Variants in RRP1B observed in about 807,000 individuals in gnomAD.
RRP1B encodes ribosomal RNA processing protein 1 homolog B.
A neutral mutation model predicts 80.2 loss-of-function variants in RRP1B; 56 were observed. The observed-to-expected ratio is 0.70, with a 90% confidence interval of 0.56 to 0.87. The LOEUF (loss-of-function observed/expected upper bound fraction) is 0.87, where lower values mean the gene tolerates loss of function less well. Among genes scored for constraint, RRP1B ranks in the 40% least tolerant of loss-of-function variants. The pLI is 0.00. For synonymous variants in RRP1B, 351 were observed against 357.6 expected (o/e 0.98, Z 0.21); for missense variants, 807 against 939.8 (o/e 0.86, Z 1.85).
chr21:43,674,953 A>G (rs1445527656), intron 5 of RRP1B, 81 bp from the exon 6 acceptor site: 3 of 1,556,572 alleles, frequency 1.9e-6, no homozygotes, highest in Middle Eastern at 1.7e-4. Flanking sequence ...TAGGTTCTAG[A>G]CGGAGTATTT....
intron 15 of RRP1B, among the ~76,000 whole-genome samples, chr21:43,692,811 GAA>G (rs2083092202): frequency 6.6e-6 from 1 of 152,128 alleles, no homozygotes; most frequent in South Asian, 2.1e-4. Context: ...TACAACTGGA[GAA>G]AATGAACAGT....
chr21:43,672,214 G>A (rs11909064), intron 2 of RRP1B, 94 bp from the exon 3 acceptor site: 2 of 1,017,160 alleles, frequency 2.0e-6, no homozygotes, highest in South Asian at 1.3e-5. Context: ...ACCTTCCCAC[G>A]AGCGGAAGTG....
intron 8 of RRP1B, among the ~76,000 whole-genome samples, chr21:43,680,857 A>ATAGT (rs1237176262): frequency 1.4e-4 from 21 of 152,306 alleles, no homozygotes; most frequent in African/African-American, 4.8e-4. Context: ...AAATGTTAGT[A>ATAGT]TAGTTAGCTG....
chr21:43,661,908 G>A (rs1443254086), intron 1 of RRP1B, among the ~76,000 whole-genome samples: 4 of 152,174 alleles, frequency 2.6e-5, no homozygotes, highest in Non-Finnish European at 4.4e-5. Context: ...CCAGCATTCA[G>A]TTCAGTATCA....
intron 6 of RRP1B, 55 bp downstream of exon 6, chr21:43,675,218 G>A: frequency 6.3e-7 from 1 of 1,581,432 alleles, no homozygotes; most frequent in East Asian, 2.2e-5. Flanking sequence ...AGTGTTCGCA[G>A]TAGTCGCCAG....
chr21:43,667,207 T>G (rs996269891), intron 1 of RRP1B, among the ~76,000 whole-genome samples: 1 of 151,976 alleles, frequency 6.6e-6, no homozygotes, highest in Non-Finnish European at 1.5e-5. Context: ...CTTTCAAGTT[T>G]CTTAATATCG....
Position 43,676,738 on chromosome 21 carries a change from C to A in RRP1B, c.620C>A (p.Thr207Asn), listed in dbSNP as rs1001581814. The A allele has an allele frequency of 1.4e-5, 22 of 1,613,748 alleles. No homozygotes were observed. The highest frequency in any genetic ancestry group is 1.9e-5 in the Non-Finnish European group (22 of 1,179,938). Reference sequence around the variant, plus strand: ...CGCTGTGCTTCTACCCTCAGCCACACCCTGGTACAGACCATAGCTCGGGGT... The same window carrying A: ...CGCTGTGCTTCTACCCTCAGCCACAACCTGGTACAGACCATAGCTCGGGGT... ...CKIAAKTKDH[T>N]LVQTIARGVF... The change falls in exon 8 of 16, where the codon ACC (threonine) becomes AAC (asparagine). Residue 207 changes from threonine (T) to asparagine (N), a missense_variant. Coordinates refer to ENST00000340648, the MANE Select transcript of RRP1B (RefSeq NM_015056.3).
At chr21:43,660,763 T>G (rs1378746369) in intron 1 of RRP1B, among the ~76,000 whole-genome samples, 1 of 151,820 alleles carries the variant, frequency 6.6e-6, no homozygotes, top group Non-Finnish European at 1.5e-5. Flanking sequence ...GAAAGACCAA[T>G]AAGTTGGGGT....
In RRP1B at chr21:43,672,385, C is replaced by G. The variant is rs1175266645; in HGVS notation, c.271+20C>G. On this transcript the variant is annotated intron_variant, in intron 3 of 15. Transcript: ENST00000340648. ...CGGCTCGTAAGTCCTGTTGTTTCTTCTCCTTCCTTCCAAGTTTTCCGACTT... is the reference window on the plus strand; with the variant it reads ...CGGCTCGTAAGTCCTGTTGTTTCTTGTCCTTCCTTCCAAGTTTTCCGACTT... 11 of 1,606,624 alleles carry G rather than the reference C, an allele frequency of 6.8e-6. No homozygotes were observed. The highest frequency in any genetic ancestry group is 9.4e-6 in the Non-Finnish European group (11 of 1,173,260).
chr21:43,686,958 A>T, intron 12 of RRP1B, 23 bp downstream of exon 12: 1 of 1,609,562 alleles, frequency 6.2e-7, no homozygotes, highest in Non-Finnish European at 8.5e-7. Context: ...GCTAAAAAGA[A>T]GGGCACGACT....
Position 43,659,684 on chromosome 21 carries a change from C to T in RRP1B, c.20C>T (p.Pro7Leu). 4 of 1,518,510 alleles carry T rather than the reference C, an allele frequency of 2.6e-6. No homozygotes were observed. Among genetic ancestry groups the T allele is most frequent in the Non-Finnish European group, 3.5e-6 (4 of 1,132,472 alleles). 94.1% of individuals were successfully genotyped at this position (1,518,510 alleles called of 1,614,324 possible). A position where few individuals can be genotyped will look rare whatever the true frequency, so the allele number is the denominator to read the frequency against. Residue 7 changes from proline (P) to leucine (L), a missense_variant, in exon 1 of 16, where the codon CCG becomes CTG. By Grantham distance (98) the Pro-to-Leu change is moderately conservative. Transcript: ENST00000340648. The surrounding 1 kb of genome is among the most constrained non-coding windows in gnomAD (Gnocchi z 4.2). Reference sequence around the variant, plus strand: ...GGCGCGATGGCCCCCGCCATGCAGCCGGCCGAGATCCAATTTGCCCAGCGG... The same window carrying T: ...GGCGCGATGGCCCCCGCCATGCAGCTGGCCGAGATCCAATTTGCCCAGCGG... MAPAMQ[P>L]AEIQFAQRLA...
At chr21:43,660,954 G>A (rs1025772491) in intron 1 of RRP1B, among the ~76,000 whole-genome samples, 4 of 152,134 alleles carry the variant, frequency 2.6e-5, no homozygotes, top group Admixed American at 6.5e-5. Context: ...TGTAATAGAG[G>A]TTTTAAGATA....
rs779586234 is a variant in RRP1B, at chr21:43,687,962, G to T, written c.1588G>T (p.Val530Leu). ...LLKRKRKLGV[V>L]PVNGSGLSTP... Reference sequence around the variant, plus strand: ...AAAAAGGAAGCGGAAACTTGGAGTTGTGCCCGTCAATGGCAGTGGCCTGTC... The same window carrying T: ...AAAAAGGAAGCGGAAACTTGGAGTTTTGCCCGTCAATGGCAGTGGCCTGTC... The change falls in exon 13 of 16, where the codon GTG becomes TTG. Residue 530 changes from valine to leucine, a missense_variant. Physicochemically the swap from Val to Leu is conservative, Grantham distance 32. Coordinates refer to ENST00000340648, the MANE Select transcript of RRP1B (RefSeq NM_015056.3). The T allele has an allele frequency of 4.3e-6, 7 of 1,613,214 alleles. No individual in the cohort carries two copies. The highest frequency in any genetic ancestry group is 3.3e-5 in the South Asian group (3 of 91,090).
chr21:43,659,743 G>A lies in RRP1B; in HGVS notation c.79G>A (p.Ala27Thr). 1 of 1,531,346 alleles carries A rather than the reference G, an allele frequency of 6.5e-7. No individual in the cohort carries two copies. Among genetic ancestry groups the A allele is most frequent in the Non-Finnish European group, 8.8e-7 (1 of 1,137,656 alleles). 94.9% of individuals were successfully genotyped at this position (1,531,346 alleles called of 1,614,324 possible). A position where few individuals can be genotyped will look rare whatever the true frequency, so the allele number is the denominator to read the frequency against. The change falls in exon 1 of 16, where the codon GCG (alanine) becomes ACG (threonine). Residue 27 changes from alanine to threonine, a missense_variant. Transcript: ENST00000340648. This position sits in a 1 kb window ranked among gnomAD's most constrained non-coding sequence, Gnocchi z 4.2. ...CAGCGAGAAGGGCATCCGGGACCGA[G>A]CGGTGAAGAAGCTGCGCCAGTACAT... The part of the protein sequence containing the change: ...ASSEKGIRDR[A>T]VKKLRQYISV...
At chr21:43,688,376 T>C in intron 13 of RRP1B, 136 bp downstream of exon 13, 4 of 1,081,816 alleles carry the variant, frequency 3.7e-6, no homozygotes, top group Non-Finnish European at 5.2e-6. Flanking sequence ...GAATAGGGTG[T>C]GTTCATAACA....
chr21:43,682,878 A>AT lies in RRP1B; in HGVS notation c.797-395dup, dbSNP rs1168884271. Among the ~76,000 whole-genome samples the AT allele has an allele frequency of 5.3e-5, 8 of 151,600 alleles. No individual in the cohort carries two copies. The South Asian group carries it at 8.3e-4, about 16-fold the overall frequency. On this transcript the variant is annotated intron_variant, in intron 8 of 15. Transcript: ENST00000340648. ...TTTCTCCTTAAATAAATTTTCTTTC[A>AT]TTTTTTCTTTTTTTGAGACGGAGTC...
At position 43,693,485 on chromosome 21, in the gene RRP1B, A is replaced by G. The variant is rs988433088; in HGVS notation, c.*102A>G. The G allele has an allele frequency of 3.3e-6, 4 of 1,230,534 alleles. No individual in the cohort carries two copies. Among genetic ancestry groups the G allele is most frequent in the Non-Finnish European group, 4.3e-6 (4 of 921,590 alleles). The allele number at this position is 1,230,534 out of a possible 1,614,324, so 76.2% of individuals were successfully genotyped here. A position where few individuals can be genotyped will look rare whatever the true frequency, so the allele number is the denominator to read the frequency against. On this transcript the variant is annotated 3_prime_UTR_variant, in exon 16 of 16. Transcript: ENST00000340648. The surrounding 1 kb of genome is among the most constrained non-coding windows in gnomAD (Gnocchi z 4.1). ...CTTTTTTATGATTTTGTAAGTTCCC[A>G]TAAGTTGTGTGCACGAGGTTCTGAG...
intron 8 of RRP1B, among the ~76,000 whole-genome samples, chr21:43,680,312 C>T (rs2083038421): frequency 6.6e-6 from 1 of 152,112 alleles, no homozygotes; most frequent in Non-Finnish European, 1.5e-5. Context: ...GTAATCCCAG[C>T]ACTTTGGGAG....
chr21:43,666,876 T>C (rs2082980164), intron 1 of RRP1B, among the ~76,000 whole-genome samples: 2 of 131,218 alleles, frequency 1.5e-5, no homozygotes, highest in South Asian at 2.6e-4. Flanking sequence ...CTTACCCATC[T>C]TTTTCTGTAC....
Sources: allele counts gnomAD v4.1 joint callset (sites outside exome capture counted in the v4.1 genomes callset), GRCh38; gene constraint gnomAD v4.1.1; non-coding constraint Gnocchi (gnomAD v3.1); transcripts MANE v1.5; gene names NCBI Gene and HGNC (gene_info 2026-07-23, HGNC 2026-07-21).